The following RABGAP1L variants were observed in gnomAD, a reference collection of about 807,000 sequenced individuals.
RABGAP1L encodes RAB GTPase activating protein 1 like, also known as rab GTPase-activating protein 1-like.
In RABGAP1L, 63 loss-of-function variants were observed where a neutral mutation model predicts 137.7. The ratio of observed to expected loss-of-function variants is 0.46; its 90% CI spans 0.37 to 0.56. The LOEUF (loss-of-function observed/expected upper bound fraction) is 0.56. Ranked by LOEUF, RABGAP1L falls within the 20% of genes least tolerant of loss-of-function variation. The probability of loss-of-function intolerance (pLI) is 0.00; values close to 1 mark genes in which losing one functional copy is unlikely to be tolerated. For synonymous variants in RABGAP1L, 431 were observed against 433.7 expected (o/e 0.99, Z 0.08); for missense variants, 1,095 against 1,244.0 (o/e 0.88, Z 1.80).
chr1:174,226,441 C>T (rs553455619), intron 3 of RABGAP1L, among the ~76,000 whole-genome samples: 25 of 151,290 alleles, frequency 1.7e-4, no homozygotes, highest in African/African-American at 5.8e-4. Context: ...TTTTTATATT[C>T]TGTCGAAAGT....
At chr1:174,772,192 T>C (rs1001783495) in intron 18 of RABGAP1L, among the ~76,000 whole-genome samples, 5 of 148,990 alleles carry the variant, frequency 3.4e-5, no homozygotes, top group Non-Finnish European at 7.4e-5. Context: ...AGTCAGACTG[T>C]CTCAAAAAAA....
At chr1:174,718,955 T>C (rs549362508) in intron 17 of RABGAP1L, among the ~76,000 whole-genome samples, 5 of 149,832 alleles carry the variant, frequency 3.3e-5, no homozygotes, top group African/African-American at 9.8e-5. Context: ...TTCTCCTTCC[T>C]CAGCCTCCCG....
intron 21 of RABGAP1L, among the ~76,000 whole-genome samples, chr1:174,973,040 A>G (rs867598164): frequency 3.1e-4 from 47 of 152,222 alleles, no homozygotes; most frequent in African/African-American, 1.1e-3. Context: ...AATTCAAAAG[A>G]CCACTGTTAG....
chr1:174,705,473 A>G (rs1679980328), intron 17 of RABGAP1L: 3 of 152,226 alleles, frequency 2.0e-5, no homozygotes, highest in Non-Finnish European at 2.9e-5. Flanking sequence ...ATTAATATTA[A>G]TAAGAACATC....
At chr1:174,690,957 G>C (rs986579410) in intron 15 of RABGAP1L, among the ~76,000 whole-genome samples, 1 of 150,896 alleles carries the variant, frequency 6.6e-6, no homozygotes, top group Non-Finnish European at 1.5e-5. Context: ...TCAGCCTGCC[G>C]AGTAGCTGGG....
At chr1:174,314,782 C>G (rs1365848688) in intron 11 of RABGAP1L, among the ~76,000 whole-genome samples, 2 of 152,068 alleles carry the variant, frequency 1.3e-5, no homozygotes, top group African/African-American at 4.8e-5. Flanking sequence ...TTTAATTTCT[C>G]TGTATTTGTA....
intron 17 of RABGAP1L, among the ~76,000 whole-genome samples, chr1:174,726,636 T>G (rs948715412): frequency 1.3e-5 from 2 of 152,154 alleles, no homozygotes; most frequent in African/African-American, 4.8e-5. Context: ...TTTAAGTCAT[T>G]TTCTAAGAGA....
intron 24 of RABGAP1L, among the ~76,000 whole-genome samples, chr1:174,985,553 C>T (rs1671521025): frequency 6.6e-6 from 1 of 152,200 alleles, no homozygotes; most frequent in Non-Finnish European, 1.5e-5. Flanking sequence ...TATACTACCT[C>T]CCCTTTCTCT....
intron 10 of RABGAP1L, among the ~76,000 whole-genome samples, chr1:174,286,637 A>G (rs1286842339): frequency 6.6e-6 from 1 of 151,974 alleles, no homozygotes; most frequent in East Asian, 1.9e-4. Flanking sequence ...GCTGAGATGT[A>G]AAGTTAAGTT....
intron 13 of RABGAP1L, among the ~76,000 whole-genome samples, chr1:174,452,066 A>T (rs113007984): frequency 1.5e-4 from 23 of 152,262 alleles, no homozygotes; most frequent in African/African-American, 4.8e-4. Flanking sequence ...ACTTCCTTTT[A>T]TCATATTTTA....
In RABGAP1L at chr1:174,637,443, A is replaced by G; in HGVS notation, c.1779A>G (p.Lys593=). ...HRTFPAHDYF[K]DTGGDGQESL... ...CATTTCCCGCACATGATTACTTTAAAGATACTGGAGGAGATGGTCAAGAAT... is the reference window on the plus strand; with the variant it reads ...CATTTCCCGCACATGATTACTTTAAGGATACTGGAGGAGATGGTCAAGAAT... The change falls in exon 14 of 26, where the codon AAA becomes AAG. Residue 593 remains lysine, a synonymous_variant. Coordinates refer to ENST00000681986, the MANE Select transcript of RABGAP1L (RefSeq NM_001366446.1). 6.2e-7 allele frequency: 1 copy of G among 1,612,778 alleles called. No individual in the cohort carries two copies.
chr1:174,353,625 G>A (rs903102796), intron 11 of RABGAP1L, among the ~76,000 whole-genome samples: 1 of 152,182 alleles, frequency 6.6e-6, no homozygotes, highest in Non-Finnish European at 1.5e-5. Flanking sequence ...TCTTGCTAGG[G>A]CTGGTCTAAA....
chr1:174,257,274 G>A (rs565198973), intron 7 of RABGAP1L, among the ~76,000 whole-genome samples: 31 of 152,112 alleles, frequency 2.0e-4, no homozygotes, highest in Non-Finnish European at 4.0e-4. Context: ...TTGAATAAGC[G>A]TTATTTTAAA....
chr1:174,835,137 A>G (rs1692608949), intron 19 of RABGAP1L, among the ~76,000 whole-genome samples: 1 of 152,188 alleles, frequency 6.6e-6, no homozygotes, highest in South Asian at 2.1e-4. Context: ...AGTGAGTAAA[A>G]TATAAAGGGT....
At chr1:174,877,255 T>G (rs1653278532) in intron 19 of RABGAP1L, 1 of 638,372 alleles carries the variant, frequency 1.6e-6, no homozygotes, top group Non-Finnish European at 2.7e-6. Flanking sequence ...TAGTGTATAC[T>G]TCCTGCATAG....
intron 1 of RABGAP1L, among the ~76,000 whole-genome samples, chr1:174,191,365 G>A (rs1458237598): frequency 6.6e-6 from 1 of 152,130 alleles, no homozygotes; most frequent in Non-Finnish European, 1.5e-5. Context: ...TACATACCTG[G>A]TTTAGCACTT....
At chr1:174,399,889 T>C (rs1203038348) in intron 13 of RABGAP1L, among the ~76,000 whole-genome samples, 1 of 152,116 alleles carries the variant, frequency 6.6e-6, no homozygotes, top group Non-Finnish European at 1.5e-5. Flanking sequence ...CCACGACACA[T>C]GAGGATTATG....
rs61828089 is a variant in RABGAP1L at position 174,799,954 on chromosome 1, A to G, written c.2212-11878A>G. 3.6e-4 allele frequency: 173 copies of G among 475,224 alleles called. 1 individual carries two copies. Among genetic ancestry groups the G allele is most frequent in the South Asian group, 1.2e-3 (11 of 9,326 alleles). 29.4% of individuals were successfully genotyped at this position (475,224 alleles called of 1,614,324 possible). A position where few individuals can be genotyped will look rare whatever the true frequency, so the allele number is the denominator to read the frequency against. On this transcript the variant is annotated intron_variant, in intron 18 of 25. Transcript: ENST00000681986. ...CGCACACACACACACACACACACAC[A>G]CACACACACACACACACACACACAC...
chr1:174,901,928 A>G (rs1032472975), intron 19 of RABGAP1L, among the ~76,000 whole-genome samples: 6 of 152,064 alleles, frequency 3.9e-5, no homozygotes, highest in Non-Finnish European at 2.9e-5. Flanking sequence ...AGGCCACTCT[A>G]TCTATCGTAG....
Sources: allele counts gnomAD v4.1 joint callset (sites outside exome capture counted in the v4.1 genomes callset), GRCh38; gene constraint gnomAD v4.1.1; transcripts MANE v1.5; gene names NCBI Gene and HGNC (gene_info 2026-07-23, HGNC 2026-07-21).